Variants in MAP2K6 observed in about 807,000 individuals in gnomAD.
MAP2K6 encodes dual specificity mitogen-activated protein kinase kinase 6.
In MAP2K6, 16 loss-of-function variants were observed where a neutral mutation model predicts 53.7. The observed-to-expected ratio is 0.30, with a 90% CI of 0.20 to 0.45. The LOEUF is 0.45. MAP2K6 is among the 20% of genes least tolerant of loss of function. The pLI, the probability that MAP2K6 is intolerant of heterozygous loss-of-function variation, is 1.00. For synonymous variants in MAP2K6, 132 were observed against 143.1 expected (o/e 0.92, Z 0.55); for missense variants, 204 against 411.9 (o/e 0.50, Z 4.37).
chr17:69,491,433 T>C (rs1330343972), intron 1 of MAP2K6, among the ~76,000 whole-genome samples: 1 of 152,068 alleles, frequency 6.6e-6, no homozygotes, highest in African/African-American at 2.4e-5. Context: ...TGTGAGCCAC[T>C]GTGCCCGGCC....
rs566598820 is a variant in MAP2K6 at position 69,514,099 on chromosome 17, A to G, written c.84-2756A>G. ...ACTCCAGCCTGGGCGACAGGGTGAG[A>G]CTCTGTCTTAAAAAAAAAAAAAAAA... On this transcript the variant is annotated intron_variant, in intron 2 of 11. Transcript: ENST00000590474. Among the ~76,000 whole-genome samples, 3 of 135,184 alleles carry G rather than the reference A, an allele frequency of 2.2e-5. No individual in the cohort carries two copies. In the East Asian group the frequency reaches 6.5e-4, roughly 29 times the overall value. 88.7% of individuals were successfully genotyped at this position (135,184 alleles called of 152,430 possible).
intron 1 of MAP2K6, among the ~76,000 whole-genome samples, chr17:69,484,068 A>C (rs1343244633): frequency 6.6e-6 from 1 of 152,142 alleles, no homozygotes; most frequent in Non-Finnish European, 1.5e-5. Flanking sequence ...AACCGTAAGC[A>C]CCTATGAAAA....
chr17:69,523,369 G>A, intron 7 of MAP2K6, 145 bp from the exon 8 acceptor site: 1 of 894,672 alleles, frequency 1.1e-6, no homozygotes, highest in Non-Finnish European at 1.8e-6. Flanking sequence ...TTAACTGTGG[G>A]TCAGGGATGG....
At chr17:69,487,847 T>C (rs918151347) in intron 1 of MAP2K6, among the ~76,000 whole-genome samples, 9 of 152,208 alleles carry the variant, frequency 5.9e-5, no homozygotes, top group Non-Finnish European at 8.8e-5. Context: ...ATCAATAATA[T>C]TTACTTAAAA....
At position 69,552,201 on chromosome 17, in the gene MAP2K6, T is replaced by C. The variant is rs1270389531; in HGVS notation, c.*10448T>C. ...AGAGAGCCTTTGGGCAAGTGGAAAATGCCCTGATGCTAGAATGAGGTAGTT... is the reference window on the plus strand; with the variant it reads ...AGAGAGCCTTTGGGCAAGTGGAAAACGCCCTGATGCTAGAATGAGGTAGTT... On this transcript the variant is annotated 3_prime_UTR_variant, in exon 12 of 12. Transcript: ENST00000590474. The C allele has an allele frequency of 6.6e-6, 1 of 152,222 alleles. No individual in the cohort carries two copies. The highest frequency in any genetic ancestry group is 1.9e-4 in the East Asian group (1 of 5,204). The allele number at this position is 152,222 out of a possible 1,614,324, so 9.4% of individuals were successfully genotyped here.
chr17:69,463,333 AATATATGTATATTATTCACTAATATAC>A (rs1368597067), intron 1 of MAP2K6, among the ~76,000 whole-genome samples: 2 of 149,914 alleles, frequency 1.3e-5, no homozygotes, highest in African/African-American at 4.9e-5. Context: ...TATAATAGTG[AATATATGTATATTATTCACTAATATAC>A]ATATATGTAT....
At chr17:69,439,919 T>A (rs570580657) in intron 1 of MAP2K6, among the ~76,000 whole-genome samples, 3 of 152,306 alleles carry the variant, frequency 2.0e-5, no homozygotes, top group African/African-American at 7.2e-5. Context: ...CTCATTTAAA[T>A]TTCATAATAG....
chr17:69,493,641 G>T (rs1024503906), intron 1 of MAP2K6, among the ~76,000 whole-genome samples: 1 of 152,012 alleles, frequency 6.6e-6, no homozygotes, highest in African/African-American at 2.4e-5. Context: ...TACGTCTATA[G>T]TCCCAGCTAC....
intron 1 of MAP2K6, among the ~76,000 whole-genome samples, chr17:69,418,589 C>T (rs926640373): frequency 3.3e-5 from 5 of 152,052 alleles, no homozygotes; most frequent in East Asian, 1.9e-4. Flanking sequence ...AAGTCTATTT[C>T]GTTCCCTCTT....
intron 7 of MAP2K6, among the ~76,000 whole-genome samples, chr17:69,522,171 A>G (rs1910519311): frequency 6.6e-6 from 1 of 152,180 alleles, no homozygotes; most frequent in Non-Finnish European, 1.5e-5. Context: ...GGTTTGGATA[A>G]TTCTTAAACT....
At chr17:69,528,915 C>T (rs1910933348) in intron 10 of MAP2K6, among the ~76,000 whole-genome samples, 1 of 128,542 alleles carries the variant, frequency 7.8e-6, no homozygotes, top group South Asian at 2.6e-4. Context: ...TAGTACAGAA[C>T]AGTAGTTCTC....
intron 10 of MAP2K6, among the ~76,000 whole-genome samples, chr17:69,527,000 A>G (rs1910810418): frequency 6.6e-6 from 1 of 152,184 alleles, no homozygotes; most frequent in Non-Finnish European, 1.5e-5. Flanking sequence ...AGACCTCAGG[A>G]TAGGCTTTTC....
At chr17:69,495,729 TA>T (rs34975415) in intron 1 of MAP2K6, among the ~76,000 whole-genome samples, 2,480 of 149,782 alleles carry the variant, frequency 0.017, 76 homozygotes, top group African/African-American at 0.057. Context: ...GTATTATCTC[TA>T]AAAAAAAAAT....
chr17:69,429,897 G>T (rs545396202), intron 1 of MAP2K6, among the ~76,000 whole-genome samples: 69 of 152,270 alleles, frequency 4.5e-4, no homozygotes. Context: ...TGGGGTGTGG[G>T]GCCTGGGCAT....
rs1309549563 is a variant in MAP2K6 at position 69,551,045 on chromosome 17, TA to T, written c.*9293del. ...ATTGTTGTATGACAGCCATGCATTATAGATCCTTACATGCGACATTTTCCTA... is the reference window on the plus strand; with the variant it reads ...ATTGTTGTATGACAGCCATGCATTATGATCCTTACATGCGACATTTTCCTA... On this transcript the variant is annotated 3_prime_UTR_variant, in exon 12 of 12. Transcript: ENST00000590474. 8 of 152,204 alleles carry T rather than the reference TA, an allele frequency of 5.3e-5. No individual in the cohort carries two copies. Among genetic ancestry groups the T allele is most frequent in the African/African-American group, 1.9e-4 (8 of 41,450 alleles). 9.4% of individuals were successfully genotyped at this position (152,204 alleles called of 1,614,324 possible). A position where few individuals can be genotyped will look rare whatever the true frequency, so the allele number is the denominator to read the frequency against.
At chr17:69,521,852 A>C (rs1190772589) in intron 7 of MAP2K6, 1 of 150,914 alleles carries the variant, frequency 6.6e-6, no homozygotes, top group Non-Finnish European at 1.5e-5. Flanking sequence ...GAAATATGAA[A>C]GTACCAAGCT....
At chr17:69,502,785 A>C in intron 1 of MAP2K6, 6 of 849,706 alleles carry the variant, frequency 7.1e-6, no homozygotes, top group Non-Finnish European at 8.5e-6. Flanking sequence ...GGAAGACTTT[A>C]CTATTATTTT....
rs1189738945 is a variant in MAP2K6 at position 69,458,312 on chromosome 17, C to G, written c.16+43312C>G. Among the ~76,000 whole-genome samples, 4 of 152,194 alleles carry G rather than the reference C, an allele frequency of 2.6e-5. No individual in the cohort carries two copies. In the East Asian group the frequency reaches 7.7e-4, roughly 29 times the overall value. Reference sequence around the variant, plus strand: ...AAGTGATCTGCCTGTCTCGGCCTCCCAAAGTGCTGGGATTCCAGGCGTGAG... The same window carrying G: ...AAGTGATCTGCCTGTCTCGGCCTCCGAAAGTGCTGGGATTCCAGGCGTGAG... On this transcript the variant is annotated intron_variant, in intron 1 of 11. Transcript: ENST00000590474.
At chr17:69,464,876 C>T (rs112120161) in intron 1 of MAP2K6, among the ~76,000 whole-genome samples, 16,217 of 151,526 alleles carry the variant, frequency 0.11, 1,001 homozygotes, top group South Asian at 0.16. Flanking sequence ...CCACCACGCC[C>T]GGCTAATTTT....
Sources: allele counts gnomAD v4.1 joint callset (sites outside exome capture counted in the v4.1 genomes callset), GRCh38; gene constraint gnomAD v4.1.1; transcripts MANE v1.5; gene names NCBI Gene and HGNC (gene_info 2026-07-23, HGNC 2026-07-21).